Variants in SFMBT2 observed in about 807,000 individuals in gnomAD.
SFMBT2 encodes scm-like with four MBT domains protein 2.
A neutral mutation model predicts 110.1 loss-of-function variants in SFMBT2; 38 were observed. The observed-to-expected ratio is 0.35, with a 90% CI of 0.27 to 0.45. The LOEUF (loss-of-function observed/expected upper bound fraction) is 0.45. Ranked by LOEUF, SFMBT2 falls within the 20% of genes least tolerant of loss-of-function variation. The pLI is 1.00. For missense variants in SFMBT2, 1,011 were observed against 1,094.9 expected (o/e 0.92, Z 1.08); for synonymous variants, 425 against 425.4 (o/e 1.00, Z 0.01).
At chr10:7,188,864 G>A (rs886412662) in intron 15 of SFMBT2, 131 bp from the exon 16 acceptor site, 15 of 688,600 alleles carry the variant, frequency 2.2e-5, no homozygotes, top group African/African-American at 1.3e-4. Flanking sequence ...GTGAAGAAAC[G>A]TGATTAAGTC....
intron 4 of SFMBT2, among the ~76,000 whole-genome samples, chr10:7,345,372 G>C (rs1046865513): frequency 6.6e-6 from 1 of 152,144 alleles, no homozygotes; most frequent in Non-Finnish European, 1.5e-5. Context: ...TTTACTTGTT[G>C]TTTTGAGACA....
intron 4 of SFMBT2, among the ~76,000 whole-genome samples, chr10:7,340,655 CAAAAAAAAAA>C (rs776262305): frequency 1.2e-5 from 1 of 86,784 alleles, no homozygotes; most frequent in African/African-American, 4.5e-5. Flanking sequence ...GAACCTATCT[CAAAAAAAAAA>C]AAAAAAAAAA....
intron 7 of SFMBT2, among the ~76,000 whole-genome samples, chr10:7,256,418 C>T (rs547527778): frequency 6.6e-6 from 1 of 152,300 alleles, no homozygotes; most frequent in Admixed American, 6.5e-5. Context: ...TACTTAAAAC[C>T]TCCAAGTTTT....
chr10:7,298,011 A>G (rs1842452872), intron 4 of SFMBT2, among the ~76,000 whole-genome samples: 3 of 152,204 alleles, frequency 2.0e-5, no homozygotes, highest in African/African-American at 7.2e-5. Context: ...AGAATCCACC[A>G]TCACTGGGGC....
intron 16 of SFMBT2, among the ~76,000 whole-genome samples, chr10:7,176,923 T>A (rs1426486916): frequency 4.9e-4 from 75 of 152,100 alleles, no homozygotes; most frequent in African/African-American, 1.8e-3. Flanking sequence ...AGGAAAAGGC[T>A]GCTGTATCTC....
chr10:7,286,695 A>T (rs1842101388), intron 4 of SFMBT2, among the ~76,000 whole-genome samples: 1 of 152,166 alleles, frequency 6.6e-6, no homozygotes, highest in African/African-American at 2.4e-5. Context: ...TTATGTGTGA[A>T]CTATACTATT....
At chr10:7,253,581 C>T (rs10430779) in intron 7 of SFMBT2, among the ~76,000 whole-genome samples, 79,877 of 151,934 alleles carry the variant, frequency 0.53, 22,162 homozygotes, top group East Asian at 0.84. Context: ...TCTGTTTTTC[C>T]TTCCAAACTA....
At chr10:7,400,806 G>A (rs558156110) in intron 1 of SFMBT2, among the ~76,000 whole-genome samples, 7 of 152,196 alleles carry the variant, frequency 4.6e-5, no homozygotes, top group Non-Finnish European at 8.8e-5. Context: ...AAGTCTCAAG[G>A]ATCTCACCTG....
chr10:7,335,407 G>A (rs887199129), intron 4 of SFMBT2, among the ~76,000 whole-genome samples: 8 of 152,030 alleles, frequency 5.3e-5, no homozygotes, highest in South Asian at 4.1e-4. Context: ...GCAGCTCACC[G>A]GTATAATCTA....
intron 5 of SFMBT2, chr10:7,284,479 G>A (rs967553766): frequency 9.7e-7 from 1 of 1,027,034 alleles, no homozygotes; most frequent in African/African-American, 1.7e-5. Context: ...TTTAAGAAGA[G>A]TTCTACCCAA....
intron 1 of SFMBT2, among the ~76,000 whole-genome samples, chr10:7,393,866 T>C (rs1205454083): frequency 6.6e-6 from 1 of 152,182 alleles, no homozygotes; most frequent in African/African-American, 2.4e-5. Context: ...CCTGAGACTA[T>C]AAGGCTGCTC....
Position 7,262,890 on chromosome 10 carries a change from A to G in SFMBT2, c.870+14002T>C, listed in dbSNP as rs564273081. ...GTGCTTCAGTTCAAGTACCCAGAACAGGCAAAGGATCCCACAGATGAACCC... is the reference window on the plus strand; with the variant it reads ...GTGCTTCAGTTCAAGTACCCAGAACGGGCAAAGGATCCCACAGATGAACCC... On this transcript the variant is annotated intron_variant, in intron 7 of 20. Coordinates refer to ENST00000397167, the MANE Select transcript of SFMBT2 (RefSeq NM_001387889.1). Among the ~76,000 whole-genome samples, 4 of 152,296 alleles carry G rather than the reference A, an allele frequency of 2.6e-5. No individual in the cohort carries two copies. In the East Asian group the frequency reaches 5.8e-4, roughly 22 times the overall value.
chr10:7,310,620 C>G (rs1842823314), intron 4 of SFMBT2, among the ~76,000 whole-genome samples: 2 of 152,192 alleles, frequency 1.3e-5, no homozygotes, highest in South Asian at 2.1e-4. Flanking sequence ...CTGATTTTTC[C>G]TCTTCCTAAA....
Position 7,171,910 on chromosome 10 carries a change from C to A in SFMBT2, c.2400G>T (p.Lys800Asn). 2.1e-6 allele frequency: 3 copies of A among 1,436,490 alleles called. No individual in the cohort carries two copies. The highest frequency in any genetic ancestry group is 1.5e-5 in the South Asian group (1 of 68,062). The allele number at this position is 1,436,490 out of a possible 1,614,324, so 89.0% of individuals were successfully genotyped here. Residue 800 changes from lysine to asparagine, a missense_variant, in exon 19 of 21, where the codon AAG (lysine) becomes AAT (asparagine). Around this residue, in one of 2 missense-constraint regions of SFMBT2, gnomAD observed 979 missense variants for 1,016.1 expected, o/e 0.96. Coordinates refer to ENST00000397167, the MANE Select transcript of SFMBT2 (RefSeq NM_001387889.1). The surrounding 1 kb of genome is among the most constrained non-coding windows in gnomAD (Gnocchi z 4.9). ...AEEGEKCPPTKPEGTEDTKQE... is the reference protein window; with the variant it reads ...AEEGEKCPPTNPEGTEDTKQE... ...CGGGCATCACCTCTGTCCCCTCGGG[C>A]TTGGTCGGCGGGCACTTCTCCCCTT...
rs1457826669 is a variant in SFMBT2, at chr10:7,408,155, G to A, written c.-52+2706C>T. On this transcript the variant is annotated intron_variant, in intron 1 of 20. Transcript: ENST00000397167. This position sits in a 1 kb window ranked among gnomAD's most constrained non-coding sequence, Gnocchi z 5.7. ...AGGACAAGGGGAGGGGTTCGCGGCT[G>A]AAACTGCAGCTTCGCAGCACAGAGC... Among the ~76,000 whole-genome samples the A allele has an allele frequency of 6.6e-6, 1 of 152,258 alleles. No individual in the cohort carries two copies. Among genetic ancestry groups the A allele is most frequent in the South Asian group, 2.1e-4 (1 of 4,834 alleles).
Position 7,377,990 on chromosome 10 carries a change from TGGG to T in SFMBT2, c.100+3806_100+3808del, listed in dbSNP as rs1564466176. On this transcript the variant is annotated intron_variant, in intron 2 of 20. Transcript: ENST00000397167. The stretch of plus-strand genomic sequence containing the variant: ...GGGGGTTGTGTGTGTGGGGGGGAGG[TGGG>T]TGTGAATGTGGGGGTGTATGTGAAT... 8.4e-4 allele frequency among the ~76,000 whole-genome samples: 70 copies of T among 83,648 alleles called. 1 individual carries two copies. The East Asian group carries it at 0.022, about 26-fold the overall frequency. 54.9% of individuals were successfully genotyped at this position (83,648 alleles called of 152,430 possible). A position where few individuals can be genotyped will look rare whatever the true frequency, so the allele number is the denominator to read the frequency against.
chr10:7,231,033 T>C (rs1161173547), intron 9 of SFMBT2, among the ~76,000 whole-genome samples: 1 of 152,194 alleles, frequency 6.6e-6, no homozygotes, highest in African/African-American at 2.4e-5. Context: ...CCATCACTAA[T>C]TATTTTACTG....
intron 4 of SFMBT2, among the ~76,000 whole-genome samples, chr10:7,333,159 G>A (rs552606761): frequency 3.9e-5 from 6 of 152,244 alleles, no homozygotes; most frequent in South Asian, 4.1e-4. Flanking sequence ...GAGCCACTGC[G>A]CCTTGCCAGA....
chr10:7,352,359 G>C (rs1035695859), intron 4 of SFMBT2, among the ~76,000 whole-genome samples: 4 of 152,148 alleles, frequency 2.6e-5, no homozygotes, highest in Admixed American at 2.0e-4. Context: ...GTCTCACTCT[G>C]TCACCCAGGT....
Sources: gnomAD v4.1 joint callset for allele counts (sites outside exome capture counted in the v4.1 genomes callset) on GRCh38, gnomAD v4.1.1 for gene constraint, gnomAD v4.1.1 regional missense constraint, Gnocchi (gnomAD v3.1) non-coding constraint, MANE v1.5 for transcripts, NCBI Gene and HGNC (gene_info 2026-07-23, HGNC 2026-07-21) for gene names.